Variants in WWOX observed in about 807,000 individuals in gnomAD.
WWOX encodes WW domain containing oxidoreductase, also known as WW domain-containing oxidoreductase.
WWOX carries 69 observed loss-of-function variants against 46.2 expected under a neutral mutation model. That is an observed-to-expected ratio of 1.49 (90% CI 1.23 to 1.82). The LOEUF (loss-of-function observed/expected upper bound fraction) is 1.82, where lower values mean the gene tolerates loss of function less well. Among genes scored for constraint, WWOX ranks in the 40% most tolerant of loss-of-function variants. WWOX has a pLI of 0.00. For synonymous variants in WWOX, 359 were observed against 202.6 expected (o/e 1.77, Z -6.56); for missense variants, 919 against 542.6 (o/e 1.69, Z -6.89).
intron 8 of WWOX, among the ~76,000 whole-genome samples, chr16:78,614,251 C>A (rs2045967043): frequency 6.6e-6 from 1 of 152,200 alleles, no homozygotes; most frequent in African/African-American, 2.4e-5. Flanking sequence ...GGGTTTCATA[C>A]AGTCCTTTCC....
At chr16:78,273,174 CTA>C (rs1405278681) in intron 5 of WWOX, among the ~76,000 whole-genome samples, 3 of 152,136 alleles carry the variant, frequency 2.0e-5, no homozygotes, top group Admixed American at 6.5e-5. Context: ...CTGTGCCTTC[CTA>C]TAGTGTAGCT....
At chr16:78,421,306 T>C (rs1178536388) in intron 6 of WWOX, among the ~76,000 whole-genome samples, 1 of 152,154 alleles carries the variant, frequency 6.6e-6, no homozygotes, top group African/African-American at 2.4e-5. Flanking sequence ...GCCTTTCTCC[T>C]AGCTTCCCAT....
chr16:78,602,484 G>A (rs546223566), intron 8 of WWOX, among the ~76,000 whole-genome samples: 4 of 152,068 alleles, frequency 2.6e-5, no homozygotes, highest in African/African-American at 7.2e-5. Context: ...CACCCACCTC[G>A]GCCTCTCAAA....
At chr16:78,554,867 C>A (rs1285405676) in intron 8 of WWOX, among the ~76,000 whole-genome samples, 2 of 152,144 alleles carry the variant, frequency 1.3e-5, no homozygotes, top group Non-Finnish European at 2.9e-5. Context: ...AGAGGTGGGA[C>A]CTGGTGCTGG....
intron 7 of WWOX, among the ~76,000 whole-genome samples, chr16:78,431,724 C>G (rs1394521640): frequency 7.2e-6 from 1 of 139,620 alleles, no homozygotes; most frequent in Admixed American, 7.2e-5. Context: ...ATTTTAAATT[C>G]TTACTTTTAG....
chr16:78,990,706 A>AAGGAAGG (rs573812438), intron 8 of WWOX, among the ~76,000 whole-genome samples: 1 of 152,078 alleles, frequency 6.6e-6, no homozygotes. Flanking sequence ...AAGAAGGAAG[A>AAGGAAGG]AGGAAGGAGG....
chr16:78,435,812 G>C (rs1254007237), intron 8 of WWOX, among the ~76,000 whole-genome samples: 1 of 152,154 alleles, frequency 6.6e-6, no homozygotes, highest in Non-Finnish European at 1.5e-5. Flanking sequence ...TTCTGAGCCT[G>C]TCTCATTACG....
intron 8 of WWOX, among the ~76,000 whole-genome samples, chr16:79,059,456 A>G (rs1358540388): frequency 2.0e-5 from 3 of 152,340 alleles, no homozygotes; most frequent in East Asian, 3.9e-4. Flanking sequence ...ACAGTGTTTG[A>G]GAATTTGCCA....
chr16:78,427,432 A>T (rs1478027407), intron 7 of WWOX, among the ~76,000 whole-genome samples: 4 of 152,092 alleles, frequency 2.6e-5, no homozygotes, highest in Non-Finnish European at 5.9e-5. Context: ...ATTAAAGTAG[A>T]ATGAAAAGAG....
chr16:79,000,298 C>G (rs1378270588), intron 8 of WWOX, among the ~76,000 whole-genome samples: 1 of 152,078 alleles, frequency 6.6e-6, no homozygotes, highest in Non-Finnish European at 1.5e-5. Context: ...TAATGAGCCC[C>G]GAAGATGTCC....
chr16:78,803,014 A>G (rs2050936654), intron 8 of WWOX, among the ~76,000 whole-genome samples: 1 of 149,886 alleles, frequency 6.7e-6, no homozygotes, highest in Admixed American at 6.7e-5. Context: ...CCTGCCATGG[A>G]ATTCATGGTG....
chr16:78,910,753 C>G (rs1280654743), intron 8 of WWOX, among the ~76,000 whole-genome samples: 1 of 151,814 alleles, frequency 6.6e-6, no homozygotes, highest in Non-Finnish European at 1.5e-5. Context: ...TCTCGTGGGA[C>G]TTACTCACTA....
chr16:78,515,365 A>C (rs555667498), intron 8 of WWOX, among the ~76,000 whole-genome samples: 2 of 152,326 alleles, frequency 1.3e-5, no homozygotes, highest in South Asian at 2.1e-4. Flanking sequence ...CTCTGCGTAC[A>C]GCTAAGCTCA....
chr16:78,263,570 C>T (rs374251392), intron 5 of WWOX, among the ~76,000 whole-genome samples: 4 of 151,986 alleles, frequency 2.6e-5, no homozygotes, highest in African/African-American at 7.3e-5. Context: ...TGTTACTTAC[C>T]GTGAGGTTAT....
intron 8 of WWOX, among the ~76,000 whole-genome samples, chr16:78,752,448 T>C (rs2049507722): frequency 1.3e-5 from 2 of 152,224 alleles, no homozygotes; most frequent in South Asian, 2.1e-4. Context: ...CCACCACACC[T>C]GGCTAATTTT....
chr16:78,668,951 T>C (rs137922866), intron 8 of WWOX, among the ~76,000 whole-genome samples: 1 of 152,284 alleles, frequency 6.6e-6, no homozygotes, highest in East Asian at 1.9e-4. Flanking sequence ...AGAGATTTAA[T>C]AAAGGCAATT....
intron 8 of WWOX, among the ~76,000 whole-genome samples, chr16:78,884,214 A>T (rs928732556): frequency 1.4e-5 from 2 of 146,510 alleles, no homozygotes; most frequent in Non-Finnish European, 1.5e-5. Context: ...TCAAGGCTAC[A>T]GTGAGCTGTG....
At chr16:78,297,187 C>G (rs1363952055) in intron 5 of WWOX, among the ~76,000 whole-genome samples, 2 of 152,154 alleles carry the variant, frequency 1.3e-5, no homozygotes. Flanking sequence ...ACCTTTCCCT[C>G]CCATCCAGAT....
intron 8 of WWOX, among the ~76,000 whole-genome samples, chr16:78,836,307 A>G (rs908568464): frequency 6.6e-6 from 1 of 152,138 alleles, no homozygotes; most frequent in Non-Finnish European, 1.5e-5. Context: ...GCAGGGCCAC[A>G]CAAGGAGGTA....
Sources: gnomAD v4.1 joint callset for allele counts (sites outside exome capture counted in the v4.1 genomes callset) on GRCh38, gnomAD v4.1.1 for gene constraint, MANE v1.5 for transcripts, NCBI Gene and HGNC (gene_info 2026-07-23, HGNC 2026-07-21) for gene names.